The following SESN1 variants were observed in gnomAD, a reference collection of about 807,000 sequenced individuals.
The protein encoded by SESN1 is sestrin-1.
A neutral mutation model predicts 59.3 loss-of-function variants in SESN1; 30 were observed. The ratio of observed to expected loss-of-function variants is 0.51; its 90% confidence interval spans 0.38 to 0.69. The LOEUF (loss-of-function observed/expected upper bound fraction) is 0.69, where lower values mean the gene tolerates loss of function less well. Ranked by LOEUF, SESN1 falls within the 30% of genes least tolerant of loss-of-function variation. The probability of loss-of-function intolerance (pLI) is 0.00; values close to 1 mark genes in which losing one functional copy is unlikely to be tolerated. For synonymous variants in SESN1, 197 were observed against 219.9 expected, an observed-to-expected ratio of 0.90 and a Z score of 0.92; for missense variants, 566 against 673.0, an observed-to-expected ratio of 0.84 and a Z score of 1.76.
intron 1 of SESN1, among the ~76,000 whole-genome samples, chr6:109,023,458 T>C (rs187120336): frequency 6.6e-4 from 101 of 152,356 alleles, no homozygotes; most frequent in African/African-American, 2.0e-3. Flanking sequence ...ACTATGTTTT[T>C]TTGATACTTT....
intron 1 of SESN1, among the ~76,000 whole-genome samples, chr6:109,055,970 G>T (rs1319612051): frequency 6.6e-6 from 1 of 152,168 alleles, no homozygotes; most frequent in Admixed American, 6.5e-5. Flanking sequence ...AACAAATGTA[G>T]AAGAATACAA....
chr6:109,081,875 T>C (rs905863392), intron 1 of SESN1, among the ~76,000 whole-genome samples: 4 of 152,176 alleles, frequency 2.6e-5, no homozygotes, highest in African/African-American at 9.7e-5. Context: ...CAAGCTCCCA[T>C]TGGGGGAAGC....
At chr6:109,084,878 T>G (rs950520961) in intron 1 of SESN1, among the ~76,000 whole-genome samples, 1 of 152,172 alleles carries the variant, frequency 6.6e-6, no homozygotes, top group African/African-American at 2.4e-5. Flanking sequence ...GTTTTTAATC[T>G]ATTTATTTGA....
At chr6:109,030,986 G>A (rs752916085) in intron 1 of SESN1, among the ~76,000 whole-genome samples, 2 of 152,168 alleles carry the variant, frequency 1.3e-5, no homozygotes, top group Non-Finnish European at 2.9e-5. Flanking sequence ...TTACAATCCA[G>A]TTGATCATAA....
intron 1 of SESN1, among the ~76,000 whole-genome samples, chr6:109,048,571 C>T (rs1400850850): frequency 1.3e-5 from 2 of 152,156 alleles, no homozygotes; most frequent in Non-Finnish European, 2.9e-5. Flanking sequence ...GGACCTCTAA[C>T]CTCTGAGAGG....
At position 108,994,140 on chromosome 6, in the gene SESN1, TAA is replaced by T. The variant is rs764125940; in HGVS notation, c.1120+320_1120+321del. Among the ~76,000 whole-genome samples the T allele has an allele frequency of 8.3e-3, 833 of 100,250 alleles. 7 individuals carry two copies. Among genetic ancestry groups the T allele is most frequent in the African/African-American group, 0.03 (785 of 26,288 alleles). 65.8% of individuals were successfully genotyped at this position (100,250 alleles called of 152,430 possible). On this transcript the variant is annotated intron_variant, in intron 6 of 9. Coordinates refer to ENST00000436639, the MANE Select transcript of SESN1 (RefSeq NM_014454.3). Reference sequence around the variant, plus strand: ...GGCAACAAAGCAAGACCCTGTTTCTTAAAAAAAAAAAAAAAAAAAAAAAGAGA... The same window carrying T: ...GGCAACAAAGCAAGACCCTGTTTCTTAAAAAAAAAAAAAAAAAAAAAGAGA...
intron 1 of SESN1, among the ~76,000 whole-genome samples, chr6:109,035,262 G>C (rs1780232946): frequency 6.6e-6 from 1 of 152,128 alleles, no homozygotes; most frequent in African/African-American, 2.4e-5. Flanking sequence ...AATGCCTGCT[G>C]AGCATCTAGT....
At chr6:109,072,855 T>C (rs1157103754) in intron 1 of SESN1, among the ~76,000 whole-genome samples, 1 of 152,168 alleles carries the variant, frequency 6.6e-6, no homozygotes, top group Non-Finnish European at 1.5e-5. Flanking sequence ...AACACGATAG[T>C]TGACTACGGA....
chr6:109,015,687 T>C (rs543321683), intron 1 of SESN1, among the ~76,000 whole-genome samples: 2 of 152,176 alleles, frequency 1.3e-5, no homozygotes, highest in Non-Finnish European at 2.9e-5. Context: ...GAGGGGGAAA[T>C]GGACGGTTAG....
Position 109,093,818 on chromosome 6 carries a change from C to A in SESN1, c.256G>T (p.Glu86Ter). The change falls in exon 1 of 10, where the codon GAG becomes TAG. Residue 86 changes from glutamate to a stop codon, truncating the protein, a stop_gained. Coordinates refer to ENST00000436639, the MANE Select transcript of SESN1 (RefSeq NM_014454.3). LOFTEE classifies it high-confidence loss of function. ...ACCTGGATGCTCTTCAGAATAAACT[C>A]ACTTTTCTCTCTCACATCTTTGAAG... Reference protein sequence around the residue: ...CPFKDVREKSEFILKSIQELG... With the variant: ...CPFKDVREKS 6.2e-7 allele frequency: 1 copy of A among 1,614,042 alleles called. No individual in the cohort carries two copies. The highest frequency in any genetic ancestry group is 1.1e-5 in the South Asian group (1 of 91,082).
chr6:109,049,117 T>C (rs987205850), intron 1 of SESN1, among the ~76,000 whole-genome samples: 13 of 151,882 alleles, frequency 8.6e-5, no homozygotes, highest in African/African-American at 3.1e-4. Flanking sequence ...CACATAAAAG[T>C]AGGAAAAGTT....
chr6:109,049,254 A>G (rs897765537), intron 1 of SESN1, among the ~76,000 whole-genome samples: 1 of 152,212 alleles, frequency 6.6e-6, no homozygotes, highest in Admixed American at 6.5e-5. Context: ...TGAATTTATG[A>G]TAAGTAAAAT....
intron 1 of SESN1, among the ~76,000 whole-genome samples, chr6:109,042,026 A>G (rs1441795704): frequency 6.6e-6 from 1 of 152,162 alleles, no homozygotes; most frequent in African/African-American, 2.4e-5. Context: ...AAATCACACT[A>G]GAAGTAAATA....
At chr6:109,000,384 G>C in intron 4 of SESN1, 107 bp downstream of exon 4, 1 of 781,996 alleles carries the variant, frequency 1.3e-6, no homozygotes, top group Non-Finnish European at 1.9e-6. Flanking sequence ...GATTCAGGGG[G>C]TAGAAAATAG....
At chr6:108,998,786 T>G in intron 4 of SESN1, 31 bp from the exon 5 acceptor site, 1 of 1,585,574 alleles carries the variant, frequency 6.3e-7, no homozygotes, top group Admixed American at 1.8e-5. Flanking sequence ...GAATATATTT[T>G]TGTACTGGGG....
intron 1 of SESN1, chr6:109,009,689 G>A (rs1779820764): frequency 2.5e-6 from 1 of 398,424 alleles, no homozygotes; most frequent in Non-Finnish European, 3.5e-6. Flanking sequence ...CGCGGAGGCT[G>A]GGAACTGGCG....
At chr6:109,006,482 T>A (rs1348387401) in intron 1 of SESN1, among the ~76,000 whole-genome samples, 1 of 130,936 alleles carries the variant, frequency 7.6e-6, no homozygotes, top group East Asian at 2.6e-4. Context: ...CGGTGTGTGA[T>A]GTTCCCCACC....
chr6:109,088,183 T>A (rs1781247943), intron 1 of SESN1: 1 of 151,970 alleles, frequency 6.6e-6, no homozygotes, highest in African/African-American at 2.4e-5. Flanking sequence ...CTGCAGATAG[T>A]CATGTCTGCA....
chr6:109,032,328 A>G (rs1490097478), intron 1 of SESN1, among the ~76,000 whole-genome samples: 1 of 151,698 alleles, frequency 6.6e-6, no homozygotes, highest in African/African-American at 2.4e-5. Context: ...CCTGTACATG[A>G]AAAGGTAAGG....
Sources: gnomAD v4.1 joint callset for allele counts (sites outside exome capture counted in the v4.1 genomes callset) on GRCh38, gnomAD v4.1.1 for gene constraint, MANE v1.5 for transcripts, NCBI Gene and HGNC (gene_info 2026-07-23, HGNC 2026-07-21) for gene names.